The following OLFM3 variants were observed in gnomAD, a reference collection of about 807,000 sequenced individuals.
OLFM3 encodes olfactomedin 3, also known as noelin-3.
In OLFM3, 20 loss-of-function variants were observed where a neutral mutation model predicts 48.6. The observed-to-expected ratio is 0.41, with a 90% CI of 0.29 to 0.60. The LOEUF is 0.60. Among genes scored for constraint, OLFM3 ranks in the 20% least tolerant of loss-of-function variants. The pLI is 0.28. For missense variants in OLFM3, 437 were observed against 544.3 expected (o/e 0.80, Z 1.96); for synonymous variants, 222 against 198.1 (o/e 1.12, Z -1.01).
intron 1 of OLFM3, among the ~76,000 whole-genome samples, chr1:101,850,642 G>GA (rs913982676): frequency 6.6e-6 from 1 of 151,784 alleles, no homozygotes; most frequent in Non-Finnish European, 1.5e-5. Context: ...TCAAATACAT[G>GA]AAAAAAACCT....
intron 1 of OLFM3, among the ~76,000 whole-genome samples, chr1:101,962,060 G>A (rs186559319): frequency 5.3e-5 from 8 of 152,216 alleles, no homozygotes; most frequent in Admixed American, 4.6e-4. Flanking sequence ...TCCGCTTGCC[G>A]TGTAATAGGT....
At chr1:101,933,201 C>CAAAAAAAAAAAAAAAAA (rs761881274) in intron 1 of OLFM3, among the ~76,000 whole-genome samples, 15 of 40,118 alleles carry the variant, frequency 3.7e-4, no homozygotes, top group Non-Finnish European at 5.4e-4. Context: ...GACTCCATCT[C>CAAAAAAAAAAAAAAAAA]AAAAAAAAAA....
intron 3 of OLFM3, among the ~76,000 whole-genome samples, 193 bp downstream of exon 3, chr1:101,830,479 T>A (rs532204756): frequency 1.3e-5 from 2 of 152,318 alleles, no homozygotes; most frequent in Admixed American, 6.5e-5. Flanking sequence ...TGAAGCTTTT[T>A]CTATAGCAAG....
intron 1 of OLFM3, among the ~76,000 whole-genome samples, chr1:101,849,989 A>G (rs1405196583): frequency 6.6e-6 from 1 of 152,230 alleles, no homozygotes; most frequent in Non-Finnish European, 1.5e-5. Flanking sequence ...CCTAGGCTGC[A>G]ACAACTTAAT....
rs142766342 is a variant in OLFM3 at position 101,844,310 on chromosome 1, A to G, written c.70-7285T>C. ...TCTATGAGGCCAGGGAGATGAGAAA[A>G]CATACTTTAAAGGATGAAGGTGTTG... On this transcript the variant is annotated intron_variant, in intron 1 of 5. Coordinates refer to ENST00000370103, the MANE Select transcript of OLFM3 (RefSeq NM_058170.4). Among the ~76,000 whole-genome samples the G allele has an allele frequency of 6.6e-5, 10 of 152,220 alleles. No individual in the cohort carries two copies. In the East Asian group the frequency reaches 1.9e-3, roughly 29 times the overall value.
At chr1:101,937,161 C>T (rs2101054823) in intron 1 of OLFM3, among the ~76,000 whole-genome samples, 1 of 152,210 alleles carries the variant, frequency 6.6e-6, no homozygotes, top group South Asian at 2.1e-4. Context: ...AGTGTTTACT[C>T]TTCCCAATCA....
At chr1:101,894,811 T>C (rs1658137566) in intron 1 of OLFM3, among the ~76,000 whole-genome samples, 1 of 152,170 alleles carries the variant, frequency 6.6e-6, no homozygotes, top group African/African-American at 2.4e-5. Context: ...TAAGCATCTT[T>C]ACACAAATTA....
intron 1 of OLFM3, among the ~76,000 whole-genome samples, chr1:101,853,949 C>T (rs192964506): frequency 3.3e-4 from 50 of 152,146 alleles, no homozygotes; most frequent in African/African-American, 1.1e-3. Flanking sequence ...ATAAGCTTCA[C>T]GGGTCACTGG....
intron 1 of OLFM3, among the ~76,000 whole-genome samples, chr1:101,868,272 G>T (rs1656936612): frequency 6.6e-6 from 1 of 152,258 alleles, no homozygotes; most frequent in African/African-American, 2.4e-5. Flanking sequence ...AAGAAGATAT[G>T]AACACGTAGA....
At chr1:101,853,362 T>C (rs191804026) in intron 1 of OLFM3, among the ~76,000 whole-genome samples, 48 of 152,164 alleles carry the variant, frequency 3.2e-4, no homozygotes, top group African/African-American at 1.1e-3. Context: ...TCTCATAAGA[T>C]CTTTTCTGGC....
At chr1:101,983,738 A>T (rs1661162085) in intron 1 of OLFM3, among the ~76,000 whole-genome samples, 2 of 152,366 alleles carry the variant, frequency 1.3e-5, no homozygotes, top group Non-Finnish European at 2.9e-5. Flanking sequence ...TTGCAATTAA[A>T]TAAGCAAACT....
chr1:101,992,895 CCA>C (rs1476924532), intron 1 of OLFM3, among the ~76,000 whole-genome samples: 4 of 152,098 alleles, frequency 2.6e-5, no homozygotes, highest in South Asian at 2.1e-4. Flanking sequence ...TGGACAGAAA[CCA>C]CAGTTTGGTG....
intron 1 of OLFM3, among the ~76,000 whole-genome samples, chr1:101,881,999 C>T (rs1161087071): frequency 6.6e-6 from 1 of 151,216 alleles, no homozygotes; most frequent in African/African-American, 2.4e-5. Flanking sequence ...ACTTTTCATA[C>T]TGTTGGATGC....
chr1:101,964,035 T>G (rs1570671566), intron 1 of OLFM3, among the ~76,000 whole-genome samples: 1 of 152,242 alleles, frequency 6.6e-6, no homozygotes, highest in Non-Finnish European at 1.5e-5. Context: ...ATAAACTTTA[T>G]GCTTATATTG....
intron 1 of OLFM3, among the ~76,000 whole-genome samples, chr1:101,889,444 T>C (rs933523559): frequency 6.6e-6 from 1 of 152,030 alleles, no homozygotes; most frequent in African/African-American, 2.4e-5. Flanking sequence ...TAGGTGGGAA[T>C]TGAACAATGA....
At chr1:101,896,687 T>G (rs1658218302) in intron 1 of OLFM3, among the ~76,000 whole-genome samples, 1 of 147,846 alleles carries the variant, frequency 6.8e-6, no homozygotes, top group African/African-American at 2.5e-5. Flanking sequence ...TTTTTTTTTT[T>G]TTTTTTAGTA....
At chr1:101,960,838 A>G (rs1445137210) in intron 1 of OLFM3, among the ~76,000 whole-genome samples, 1 of 152,116 alleles carries the variant, frequency 6.6e-6, no homozygotes, top group Non-Finnish European at 1.5e-5. Context: ...TCCATCGTTA[A>G]CCACTCTGCT....
At chr1:101,910,321 CCGGGCGTGGTAGCGGG>C (rs1658709676) in intron 1 of OLFM3, among the ~76,000 whole-genome samples, 1 of 151,990 alleles carries the variant, frequency 6.6e-6, no homozygotes, top group Admixed American at 6.6e-5. Flanking sequence ...AAAAAATTAG[CCGGGCGTGGTAGCGGG>C]CGCCTGTAAT....
At chr1:101,849,521 A>C (rs376983419) in intron 1 of OLFM3, among the ~76,000 whole-genome samples, 1 of 152,256 alleles carries the variant, frequency 6.6e-6, no homozygotes, top group African/African-American at 2.4e-5. Context: ...AAGAGTTTAA[A>C]GCAAAGCAGT....
Sources: allele counts gnomAD v4.1 joint callset (sites outside exome capture counted in the v4.1 genomes callset), GRCh38; gene constraint gnomAD v4.1.1; transcripts MANE v1.5; gene names NCBI Gene and HGNC (gene_info 2026-07-23, HGNC 2026-07-21).